The following NNT variants were observed in gnomAD, a reference collection of about 807,000 sequenced individuals.
The protein encoded by NNT is nicotinamide nucleotide transhydrogenase.
NNT carries 50 observed loss-of-function variants against 104.8 expected under a neutral mutation model. That is an observed-to-expected ratio of 0.48 (90% CI 0.38 to 0.60). NNT has a LOEUF of 0.60. Among genes scored for constraint, NNT ranks in the 20% least tolerant of loss-of-function variants. NNT has a pLI of 0.00. For synonymous variants in NNT, 461 were observed against 490.4 expected, an observed-to-expected ratio of 0.94 and a Z score of 0.79; for missense variants, 1,131 against 1,330.7, an observed-to-expected ratio of 0.85 and a Z score of 2.33.
At chr5:43,622,630 TC>T (rs1750156740) in intron 5 of NNT, among the ~76,000 whole-genome samples, 1 of 152,144 alleles carries the variant, frequency 6.6e-6, no homozygotes, top group East Asian at 1.9e-4. Context: ...TCGGTTAGAT[TC>T]CATTGTTTAA....
intron 7 of NNT, among the ~76,000 whole-genome samples, chr5:43,630,694 C>T (rs1429076208): frequency 6.6e-6 from 1 of 152,196 alleles, no homozygotes; most frequent in African/African-American, 2.4e-5. Flanking sequence ...CTTGATCTAA[C>T]AAGATTTGGG....
intron 7 of NNT, among the ~76,000 whole-genome samples, chr5:43,637,294 C>G (rs539106734): frequency 6.6e-6 from 1 of 152,212 alleles, no homozygotes; most frequent in South Asian, 2.1e-4. Flanking sequence ...TTGCCATATT[C>G]TATATTTTAC....
At chr5:43,665,190 AT>A (rs988700541) in intron 17 of NNT, among the ~76,000 whole-genome samples, 5 of 147,426 alleles carry the variant, frequency 3.4e-5, no homozygotes, top group African/African-American at 5.1e-5. Context: ...TGTTCACTGG[AT>A]TTTTTTTTCT....
intron 21 of NNT, among the ~76,000 whole-genome samples, chr5:43,703,276 C>T (rs544095987): frequency 7.9e-5 from 12 of 152,330 alleles, no homozygotes; most frequent in African/African-American, 2.6e-4. Flanking sequence ...AACTCAAAGG[C>T]TTGTAAATTT....
chr5:43,615,448 C>T (rs1749738073), intron 3 of NNT, among the ~76,000 whole-genome samples: 1 of 152,218 alleles, frequency 6.6e-6, no homozygotes, highest in Non-Finnish European at 1.5e-5. Context: ...CTGAATCTTG[C>T]TTGAAGGATT....
chr5:43,645,683 C>G (rs10070179), intron 10 of NNT, 173 bp downstream of exon 10: 2 of 45,744 alleles, frequency 4.4e-5, no homozygotes, highest in Non-Finnish European at 7.3e-5. Context: ...CTCTCTCTCT[C>G]TATATATATA....
At chr5:43,690,474 T>C (rs1329384511) in intron 19 of NNT, among the ~76,000 whole-genome samples, 1 of 152,206 alleles carries the variant, frequency 6.6e-6, no homozygotes, top group Non-Finnish European at 1.5e-5. Flanking sequence ...AGATGCTTAT[T>C]GGTGATCTGG....
intron 1 of NNT, among the ~76,000 whole-genome samples, chr5:43,603,913 G>A (rs1011523343): frequency 3.3e-5 from 5 of 152,134 alleles, no homozygotes; most frequent in African/African-American, 7.2e-5. Flanking sequence ...AAGAGACAGC[G>A]GAGAGGGCGA....
chr5:43,649,182 C>T lies in NNT; in HGVS notation c.1480C>T (p.Pro494Ser), dbSNP rs1227899167. 2 of 1,614,076 alleles carry T rather than the reference C, an allele frequency of 1.2e-6. No individual in the cohort carries two copies. The highest frequency in any genetic ancestry group is 1.7e-6 in the Non-Finnish European group (2 of 1,180,044). Residue 494 changes from proline to serine, a missense_variant, in exon 11 of 22, where the codon CCC (proline) becomes TCC (serine). Coordinates refer to ENST00000344920, the MANE Select transcript of NNT (RefSeq NM_182977.3). ...GATACTGGGTTTGGGCATTGCGGCT[C>T]CCAATCTAGCCTTTTCTCAGATGGT... ...TGILGLGIAA[P>S]NLAFSQMVTT...
intron 16 of NNT, among the ~76,000 whole-genome samples, chr5:43,657,931 T>C (rs1315863077): frequency 6.6e-6 from 1 of 152,012 alleles, no homozygotes; most frequent in East Asian, 1.9e-4. Context: ...GGTCAGGAGT[T>C]TGTGACTAGC....
rs1019005703 is a variant in NNT at position 43,707,127 on chromosome 5, A to T, written c.*2723A>T. 1 of 152,186 alleles carries T rather than the reference A, an allele frequency of 6.6e-6. No individual in the cohort carries two copies. Among genetic ancestry groups the T allele is most frequent in the Non-Finnish European group, 1.5e-5 (1 of 68,030 alleles). 9.4% of individuals were successfully genotyped at this position (152,186 alleles called of 1,614,324 possible). On this transcript the variant is annotated 3_prime_UTR_variant, in exon 22 of 22. Transcript: ENST00000344920. ...TAGAACTTAAAGTATAATTAAAAAA[A>T]AAAAGAAAACAGAAGCTATTTATAA...
intron 7 of NNT, among the ~76,000 whole-genome samples, chr5:43,635,733 C>T (rs1750897611): frequency 6.6e-6 from 1 of 152,030 alleles, no homozygotes; most frequent in East Asian, 1.9e-4. Flanking sequence ...GTGTGCATTC[C>T]TTGTTTCTCT....
Position 43,653,109 on chromosome 5 carries a change from T to C in NNT, c.1955T>C (p.Met652Thr), listed in dbSNP as rs139706017. 6.2e-7 allele frequency: 1 copy of C among 1,614,106 alleles called. No homozygotes were observed. Among genetic ancestry groups the C allele is most frequent in the Non-Finnish European group, 8.5e-7 (1 of 1,180,008 alleles). ...GCACGTCTTGGCAATGCACTGGGCA[T>C]GATTGGGGTTGCTGGAGGACTGGCA... ...GTARLGNALGMIGVAGGLAAT... is the reference protein window; with the variant it reads ...GTARLGNALGTIGVAGGLAAT... The change falls in exon 14 of 22, where the codon ATG becomes ACG. Residue 652 changes from methionine to threonine, a missense_variant. By Grantham distance (81) the Met-to-Thr change is moderately conservative. Transcript: ENST00000344920.
intron 7 of NNT, 117 bp downstream of exon 7, chr5:43,628,504 T>C: frequency 1.4e-6 from 1 of 691,004 alleles, no homozygotes; most frequent in Non-Finnish European, 2.2e-6. Flanking sequence ...TCTAGTACTT[T>C]CTATTATAAA....
At chr5:43,656,133 AT>A in intron 15 of NNT, 60 bp downstream of exon 15, 2 of 1,417,834 alleles carry the variant, frequency 1.4e-6, no homozygotes, top group South Asian at 1.2e-5. Context: ...TTAGGGATCC[AT>A]TTTAATTTCA....
Position 43,655,936 on chromosome 5 carries a change from T to G in NNT, c.2156T>G (p.Ile719Arg). 1 of 1,614,084 alleles carries G rather than the reference T, an allele frequency of 6.2e-7. No homozygotes were observed. The highest frequency in any genetic ancestry group is 8.5e-7 in the Non-Finnish European group (1 of 1,179,898). ...LVGLAAVLTC[I>R]AEYIIEYPHF... ...GGTTTGGCAGCTGTACTTACTTGCA[T>G]AGCTGAGTACATTATAGAATATCCA... Residue 719 changes from isoleucine (I) to arginine (R), a missense_variant, in exon 15 of 22, where the codon ATA becomes AGA. Ile to Arg is a moderately conservative substitution (Grantham distance 97). Coordinates refer to ENST00000344920, the MANE Select transcript of NNT (RefSeq NM_182977.3).
At chr5:43,677,003 G>A (rs1444409090) in intron 18 of NNT, among the ~76,000 whole-genome samples, 1 of 152,076 alleles carries the variant, frequency 6.6e-6, no homozygotes, top group Non-Finnish European at 1.5e-5. Context: ...AAAGGAGGGT[G>A]AAGATGACTG....
chr5:43,611,249 T>C (rs1017187752), intron 2 of NNT, among the ~76,000 whole-genome samples: 9 of 152,210 alleles, frequency 5.9e-5, no homozygotes, highest in African/African-American at 1.7e-4. Flanking sequence ...AAGAATTTCA[T>C]TGTTGCTCTG....
At chr5:43,611,927 G>T (rs1749517057) in intron 2 of NNT, among the ~76,000 whole-genome samples, 1 of 151,980 alleles carries the variant, frequency 6.6e-6, no homozygotes, top group South Asian at 2.1e-4. Context: ...GGCTTTTTTG[G>T]GTTGCAAGGA....
Sources: allele counts gnomAD v4.1 joint callset (sites outside exome capture counted in the v4.1 genomes callset), GRCh38; gene constraint gnomAD v4.1.1; transcripts MANE v1.5; gene names NCBI Gene and HGNC (gene_info 2026-07-23, HGNC 2026-07-21).